HPSE2: variants seen among roughly 807,000 people sequenced by gnomAD.
HPSE2 encodes the protein heparanase 2 (inactive), also known as inactive heparanase-2.
A neutral mutation model predicts 60.5 loss-of-function variants in HPSE2; 38 were observed. That is an observed-to-expected ratio of 0.63 (90% CI 0.48 to 0.82). The LOEUF (loss-of-function observed/expected upper bound fraction) is 0.82, where lower values mean the gene tolerates loss of function less well. Ranked by LOEUF, HPSE2 falls within the 40% of genes least tolerant of loss-of-function variation. The pLI is 0.00. For missense variants in HPSE2, 713 were observed against 740.4 expected (o/e 0.96, Z 0.43); for synonymous variants, 295 against 293.2 (o/e 1.01, Z -0.06).
chr10:98,575,029 G>A (rs1267593249), intron 9 of HPSE2, among the ~76,000 whole-genome samples: 2 of 152,126 alleles, frequency 1.3e-5, no homozygotes, highest in East Asian at 3.9e-4. Flanking sequence ...TGGGAAAGCA[G>A]GGAAGAGGAA....
At chr10:98,946,717 G>A (rs76670539) in intron 3 of HPSE2, among the ~76,000 whole-genome samples, 2,112 of 152,106 alleles carry the variant, frequency 0.014, 42 homozygotes, top group African/African-American at 0.047. Flanking sequence ...ACCATTTACA[G>A]TTAAAAGAAA....
At chr10:98,710,283 T>C (rs2134217225) in intron 5 of HPSE2, among the ~76,000 whole-genome samples, 1 of 152,290 alleles carries the variant, frequency 6.6e-6, no homozygotes, top group Non-Finnish European at 1.5e-5. Flanking sequence ...CCTCCATTTC[T>C]TTCTCCTTTA....
chr10:98,541,947 G>A (rs12780071), intron 9 of HPSE2, among the ~76,000 whole-genome samples: 38,854 of 147,964 alleles, frequency 0.26, 4,571 homozygotes, highest in East Asian at 0.46. Context: ...GTCCCTGTCT[G>A]ACAGCTTTGA....
In HPSE2 at chr10:99,144,179, C is replaced by T. The variant is rs1845966421; in HGVS notation, c.610+59G>A. Reference sequence around the variant, plus strand: ...GGGTGTAGACAGACAGATGTGTACCCCAAAAAACAAGTTACTAACTGAATG... The same window carrying T: ...GGGTGTAGACAGACAGATGTGTACCTCAAAAAACAAGTTACTAACTGAATG... On this transcript the variant is annotated intron_variant, in intron 3 of 11. Transcript: ENST00000370552. The T allele has an allele frequency of 3.9e-6, 6 of 1,556,474 alleles. No homozygotes were observed. In the African/African-American group the frequency reaches 6.8e-5, roughly 18 times the overall value.
intron 3 of HPSE2, among the ~76,000 whole-genome samples, chr10:98,985,669 A>G (rs1956324830): frequency 6.6e-6 from 1 of 152,216 alleles, no homozygotes; most frequent in African/African-American, 2.4e-5. Context: ...AATGGGCTAA[A>G]TGCTCCAATT....
chr10:98,882,086 G>T (rs1453721566), intron 3 of HPSE2, among the ~76,000 whole-genome samples: 3 of 151,940 alleles, frequency 2.0e-5, no homozygotes, highest in Admixed American at 6.6e-5. Context: ...TTCTTAGTTG[G>T]CTTTTCCCTC....
chr10:99,296,391 T>C, the HPSE2 span, among the ~76,000 whole-genome samples: 1 of 152,210 alleles, frequency 6.6e-6, no homozygotes. Context: ...ATGTTTGCCA[T>C]GAACACAGAG....
chr10:99,183,239 G>A (rs115992020), intron 2 of HPSE2, among the ~76,000 whole-genome samples: 3,158 of 152,186 alleles, frequency 0.021, 98 homozygotes, highest in African/African-American at 0.059. Flanking sequence ...CAGAGTATAG[G>A]AGACGGATTT....
chr10:98,507,595 C>T (rs1394073094), intron 9 of HPSE2, among the ~76,000 whole-genome samples: 1 of 152,006 alleles, frequency 6.6e-6, no homozygotes, highest in Non-Finnish European at 1.5e-5. Flanking sequence ...CATTTTCAGA[C>T]TCCTTTTTCA....
chr10:98,535,240 C>T (rs927048994), intron 9 of HPSE2, among the ~76,000 whole-genome samples: 1 of 152,038 alleles, frequency 6.6e-6, no homozygotes, highest in African/African-American at 2.4e-5. Flanking sequence ...AGTTTTTCAT[C>T]CAATTTGATT....
intron 3 of HPSE2, among the ~76,000 whole-genome samples, chr10:99,040,749 T>G (rs186795885): frequency 1.2e-4 from 19 of 152,334 alleles, no homozygotes; most frequent in Non-Finnish European, 2.4e-4. Flanking sequence ...GGAATTTATA[T>G]GTGATATGAA....
chr10:98,844,747 T>C (rs376343502), intron 3 of HPSE2, among the ~76,000 whole-genome samples: 2 of 152,232 alleles, frequency 1.3e-5, no homozygotes, highest in South Asian at 2.1e-4. Flanking sequence ...TGTTGGTTTA[T>C]ATTACATACA....
chr10:99,282,560 G>A, the HPSE2 span, among the ~76,000 whole-genome samples: 2 of 152,030 alleles, frequency 1.3e-5, no homozygotes, highest in Non-Finnish European at 2.9e-5. Context: ...AACAATAACA[G>A]AACGGATTCT....
At chr10:98,529,743 C>T (rs1943075651) in intron 9 of HPSE2, among the ~76,000 whole-genome samples, 1 of 152,150 alleles carries the variant, frequency 6.6e-6, no homozygotes, top group Admixed American at 6.5e-5. Context: ...TTTCTTATTA[C>T]CACCAAATCT....
intron 3 of HPSE2, among the ~76,000 whole-genome samples, chr10:98,867,161 C>T (rs538158009): frequency 2.0e-5 from 3 of 152,150 alleles, no homozygotes; most frequent in African/African-American, 4.8e-5. Context: ...ATAGAGATAA[C>T]AGTCTGGGGA....
intron 3 of HPSE2, among the ~76,000 whole-genome samples, chr10:99,048,746 A>T (rs1311312762): frequency 6.6e-6 from 1 of 152,170 alleles, no homozygotes; most frequent in African/African-American, 2.4e-5. Context: ...CCCAAAGGAA[A>T]ATAGATCATT....
At chr10:99,250,639 A>T in the HPSE2 span, among the ~76,000 whole-genome samples, 1 of 152,172 alleles carries the variant, frequency 6.6e-6, no homozygotes, top group South Asian at 2.1e-4. Context: ...AAAAACTCAA[A>T]ATCCTACCAA....
chr10:98,500,276 T>C (rs1235863795), intron 9 of HPSE2, among the ~76,000 whole-genome samples: 1 of 152,106 alleles, frequency 6.6e-6, no homozygotes, highest in Non-Finnish European at 1.5e-5. Flanking sequence ...TGACAGGCCA[T>C]AAAATGAATC....
At chr10:98,763,851 T>C (rs1565146241) in intron 3 of HPSE2, among the ~76,000 whole-genome samples, 1 of 150,738 alleles carries the variant, frequency 6.6e-6, no homozygotes, top group Non-Finnish European at 1.5e-5. Flanking sequence ...GGAAGTCCTT[T>C]AGGCTAAACA....
Sources: allele counts gnomAD v4.1 joint callset (sites outside exome capture counted in the v4.1 genomes callset), GRCh38; gene constraint gnomAD v4.1.1; transcripts MANE v1.5; gene names NCBI Gene and HGNC (gene_info 2026-07-23, HGNC 2026-07-21).